HECTD4: variants seen among roughly 807,000 people sequenced by gnomAD.
The protein encoded by HECTD4 is HECT domain E3 ubiquitin protein ligase 4, also known as probable E3 ubiquitin-protein ligase HECTD4.
In HECTD4, 114 loss-of-function variants were observed where a neutral mutation model predicts 471.5. The observed-to-expected ratio is 0.24, with a 90% CI of 0.21 to 0.28. HECTD4 has a LOEUF of 0.28. Ranked by LOEUF, HECTD4 falls within the 10% of genes least tolerant of loss-of-function variation. HECTD4 has a pLI of 1.00. For missense variants in HECTD4, 3,866 were observed against 5,651.5 expected (o/e 0.68, Z 10.13); for synonymous variants, 2,012 against 2,256.0 (o/e 0.89, Z 3.07).
At chr12:112,182,940 C>A in intron 62 of HECTD4, 119 bp downstream of exon 62, 1 of 709,054 alleles carries the variant, frequency 1.4e-6, no homozygotes, top group Non-Finnish European at 2.4e-6. Context: ...CTCTTTAATG[C>A]AAGATGTTAA....
intron 1 of HECTD4, among the ~76,000 whole-genome samples, chr12:112,371,787 G>A (rs2036677386): frequency 6.6e-6 from 1 of 150,770 alleles, no homozygotes; most frequent in South Asian, 2.1e-4. Context: ...TTGGAAGGCT[G>A]AGGCAGGAGA....
Position 112,273,648 on chromosome 12 carries a change from A to AC in HECTD4, c.1942+6dup, listed in dbSNP as rs1284566858. 1 of 1,613,474 alleles carries AC rather than the reference A, an allele frequency of 6.2e-7. No individual in the cohort carries two copies. Among genetic ancestry groups the AC allele is most frequent in the Non-Finnish European group, 8.5e-7 (1 of 1,179,582 alleles). ...TCTTTTCCTGCAAGACCCTGAGTGC[A>AC]CCTCACCTTTGGGCTCAGTGATAAT... On this transcript the variant is annotated splice_region_variant and intron_variant, in intron 11 of 75. Coordinates refer to ENST00000682272, the MANE Select transcript of HECTD4 (RefSeq NM_001388303.1).
Position 112,195,146 on chromosome 12 carries a change from A to G in HECTD4, c.8568-80T>C, listed in dbSNP as rs947509847. On this transcript the variant is annotated intron_variant, in intron 55 of 75. Coordinates refer to ENST00000682272, the MANE Select transcript of HECTD4 (RefSeq NM_001388303.1). The stretch of plus-strand genomic sequence containing the variant: ...ACCGGGACCAGGCCGCAGGTTCTGA[A>G]GGAAAAGGATCCTGCCTCAGGCTTC... The G allele has an allele frequency of 6.3e-6, 8 of 1,273,352 alleles. No individual in the cohort carries two copies. In the African/African-American group the frequency reaches 1.2e-4, roughly 19 times the overall value. The allele number at this position is 1,273,352 out of a possible 1,614,324, so 78.9% of individuals were successfully genotyped here. A position where few individuals can be genotyped will look rare whatever the true frequency, so the allele number is the denominator to read the frequency against.
At chr12:112,187,929 G>T (rs1017480457) in intron 60 of HECTD4, among the ~76,000 whole-genome samples, 1 of 151,658 alleles carries the variant, frequency 6.6e-6, no homozygotes, top group Non-Finnish European at 1.5e-5. Flanking sequence ...CCCAGCCAAG[G>T]TTTCCTTAAA....
chr12:112,257,646 CATT>C lies in HECTD4; in HGVS notation c.3128+847_3128+849del, dbSNP rs146379958. The stretch of plus-strand genomic sequence containing the variant: ...GTTAAGTATTTTGAGATTATATAAA[CATT>C]GTTGTATATAACAAAAGTTCATTCC... On this transcript the variant is annotated intron_variant, in intron 20 of 75. Transcript: ENST00000682272. 0.055 allele frequency among the ~76,000 whole-genome samples: 8,426 copies of C among 152,184 alleles called. 1,268 individuals are homozygous for C. In the East Asian group the frequency reaches 0.61, roughly 11 times the overall value.
chr12:112,167,964 A>T (rs1206425028), intron 70 of HECTD4, 47 bp from the exon 71 acceptor site: 1 of 1,441,320 alleles, frequency 6.9e-7, no homozygotes, highest in Non-Finnish European at 9.8e-7. Context: ...TCCCGGCGGG[A>T]GGCGACACCG....
intron 69 of HECTD4, chr12:112,169,908 T>A (rs2031144629): frequency 1.7e-6 from 1 of 589,660 alleles, no homozygotes; most frequent in Non-Finnish European, 3.0e-6. Context: ...TCTAGAGGCT[T>A]CCCTCTGCCT....
chr12:112,302,708 T>C, intron 7 of HECTD4: 3 of 439,920 alleles, frequency 6.8e-6, no homozygotes, highest in Non-Finnish European at 1.2e-5. Flanking sequence ...TTTTTAACTT[T>C]TTCTCATTTT....
chr12:112,246,838 T>C (rs764641017), intron 29 of HECTD4, 63 bp downstream of exon 29: 10 of 1,440,162 alleles, frequency 6.9e-6, no homozygotes, highest in African/African-American at 1.4e-5. Flanking sequence ...GTGTCTTATA[T>C]GAACAGAGTA....
Position 112,228,721 on chromosome 12 carries a change from C to A in HECTD4, c.6610G>T (p.Asp2204Tyr). Residue 2204 changes from aspartate (D) to tyrosine (Y), a missense_variant, in exon 42 of 76, where the codon GAC becomes TAC. Physicochemically the swap from Asp to Tyr is radical, Grantham distance 160. Coordinates refer to ENST00000682272, the MANE Select transcript of HECTD4 (RefSeq NM_001388303.1). This position sits in a 1 kb window ranked among gnomAD's most constrained non-coding sequence, Gnocchi z 4.9. The stretch of plus-strand genomic sequence containing the variant: ...GACGCTTGCGAAGTCTTTCTACAGT[C>A]TATGGGTGGGAATCTGACTGTAGCT... The part of the protein sequence containing the change: ...GIATVRFPPI[D>Y]CRKTSQASDT... 6.2e-7 allele frequency: 1 copy of A among 1,613,814 alleles called. No homozygotes were observed.
At chr12:112,240,548 C>T (rs2033616838) in intron 32 of HECTD4, among the ~76,000 whole-genome samples, 1 of 151,766 alleles carries the variant, frequency 6.6e-6, no homozygotes, top group Non-Finnish European at 1.5e-5. Context: ...CTCTTGGGCT[C>T]AGGTGATCCT....
intron 7 of HECTD4, among the ~76,000 whole-genome samples, chr12:112,291,557 GA>G (rs1393041483): frequency 6.6e-6 from 1 of 151,694 alleles, no homozygotes; most frequent in Non-Finnish European, 1.5e-5. Flanking sequence ...GCAACATAGT[GA>G]GACCCCCCCA....
At chr12:112,240,455 T>G (rs2033612868) in intron 32 of HECTD4, among the ~76,000 whole-genome samples, 1 of 143,902 alleles carries the variant, frequency 6.9e-6, no homozygotes, top group African/African-American at 2.5e-5. Flanking sequence ...TTTTCTTTTC[T>G]TTTTTTTTTT....
intron 50 of HECTD4, among the ~76,000 whole-genome samples, chr12:112,208,893 C>CA (rs1555250321): frequency 2.1e-4 from 15 of 72,458 alleles, no homozygotes; most frequent in Non-Finnish European, 3.6e-4. Context: ...ACTAAACAGG[C>CA]TTTTTTTTTT....
At chr12:112,212,427 G>T in intron 49 of HECTD4, 60 bp downstream of exon 49, 1 of 1,377,302 alleles carries the variant, frequency 7.3e-7, no homozygotes, top group Non-Finnish European at 1.0e-6. Flanking sequence ...ATTTTTCCAT[G>T]TCTAACAGGA....
chr12:112,231,850 T>C, intron 38 of HECTD4, 135 bp from the exon 39 acceptor site: 1 of 745,686 alleles, frequency 1.3e-6, no homozygotes, highest in Non-Finnish European at 2.1e-6. Flanking sequence ...ATATTATATG[T>C]AGAGTAAAAT....
At position 112,162,561 on chromosome 12, in the gene HECTD4, A is replaced by T; in HGVS notation, c.13121-38T>A. ...GAGCCAGCATCAGAGGGTTGGGCCC[A>T]CATCTGTGAGGCTCCCAGGGAAGCT... On this transcript the variant is annotated intron_variant, in intron 75 of 75. Transcript: ENST00000682272. The surrounding 1 kb of genome is among the most constrained non-coding windows in gnomAD (Gnocchi z 5.2). 6.2e-7 allele frequency: 1 copy of T among 1,613,024 alleles called. No individual in the cohort carries two copies. Among genetic ancestry groups the T allele is most frequent in the Non-Finnish European group, 8.5e-7 (1 of 1,179,318 alleles).
At chr12:112,250,068 G>A (rs997839574) in intron 25 of HECTD4, 76 bp downstream of exon 25, 1 of 998,022 alleles carries the variant, frequency 1.0e-6, no homozygotes, top group Non-Finnish European at 1.5e-6. Flanking sequence ...CTAGACCACA[G>A]AAGAAATATA....
chr12:112,314,320 A>C, intron 3 of HECTD4, 137 bp downstream of exon 3: 1 of 465,786 alleles, frequency 2.1e-6, no homozygotes, highest in South Asian at 4.6e-5. Flanking sequence ...ATTCTTAAGA[A>C]GGTAAATATG....
Sources: gnomAD v4.1 joint callset for allele counts (sites outside exome capture counted in the v4.1 genomes callset) on GRCh38, gnomAD v4.1.1 for gene constraint, Gnocchi (gnomAD v3.1) non-coding constraint, MANE v1.5 for transcripts, NCBI Gene and HGNC (gene_info 2026-07-23, HGNC 2026-07-21) for gene names.